Variants in TGFBRAP1 observed in about 807,000 individuals in gnomAD.
TGFBRAP1 encodes the protein transforming growth factor beta receptor associated protein 1, also known as transforming growth factor-beta receptor-associated protein 1.
In TGFBRAP1, 20 loss-of-function variants were observed where a neutral mutation model predicts 83.2. That is an observed-to-expected ratio of 0.24 (90% confidence interval 0.17 to 0.35). The LOEUF is 0.35. Among genes scored for constraint, TGFBRAP1 ranks in the 10% least tolerant of loss-of-function variants. The pLI, the probability that TGFBRAP1 is intolerant of heterozygous loss-of-function variation, is 1.00. For missense variants in TGFBRAP1, 950 were observed against 1,099.4 expected (o/e 0.86, Z 1.92); for synonymous variants, 415 against 459.8 (o/e 0.90, Z 1.25).
At chr2:105,324,100 C>T (rs1014913269) in intron 1 of TGFBRAP1, 1 of 152,040 alleles carries the variant, frequency 6.6e-6, no homozygotes, top group African/African-American at 2.4e-5. Context: ...AAAAAGGATC[C>T]TGGAACAGAA....
downstream of TGFBRAP1, among the ~76,000 whole-genome samples, chr2:105,260,508 G>A (rs1313450255): frequency 6.6e-6 from 1 of 152,202 alleles, no homozygotes; most frequent in Non-Finnish European, 1.5e-5. Context: ...GACACACACT[G>A]TGTGATTCCA....
intron 6 of TGFBRAP1, among the ~76,000 whole-genome samples, chr2:105,278,766 C>G (rs2104331403): frequency 6.6e-6 from 1 of 152,144 alleles, no homozygotes; most frequent in East Asian, 1.9e-4. Flanking sequence ...GATATTGAGG[C>G]ATCTGCTTGA....
At chr2:105,300,450 TTTTTC>T (rs1333650519) in intron 2 of TGFBRAP1, among the ~76,000 whole-genome samples, 3 of 131,240 alleles carry the variant, frequency 2.3e-5, no homozygotes, top group African/African-American at 9.9e-5. Context: ...TTTTTTTTTT[TTTTTC>T]CGAGACAGTC....
chr2:105,317,414 C>T (rs186540717), intron 1 of TGFBRAP1, among the ~76,000 whole-genome samples: 7 of 148,150 alleles, frequency 4.7e-5, no homozygotes, highest in South Asian at 4.3e-4. Context: ...TCCAGCCTGG[C>T]GACAGAGTGA....
intron 7 of TGFBRAP1, among the ~76,000 whole-genome samples, chr2:105,277,284 G>T (rs113027178): frequency 6.6e-6 from 1 of 152,178 alleles, no homozygotes; most frequent in African/African-American, 2.4e-5. Flanking sequence ...TGGTAAATCC[G>T]ACTATCATTC....
intron 11 of TGFBRAP1, among the ~76,000 whole-genome samples, chr2:105,268,526 A>G (rs1677026145): frequency 2.0e-5 from 3 of 152,238 alleles, no homozygotes; most frequent in South Asian, 4.1e-4. Context: ...CAGCATTTAC[A>G]AAAGCAACAA....
Position 105,298,688 on chromosome 2 carries a change from C to A in TGFBRAP1, c.706G>T (p.Ala236Ser), listed in dbSNP as rs372399291. The change falls in exon 3 of 12, where the codon GCA becomes TCA. Residue 236 changes from alanine to serine, a missense_variant. By Grantham distance (99) the Ala-to-Ser change is moderately conservative. Transcript: ENST00000393359. ...ACGGGGGCGCGCTGGGATATCCCTG[C>A]GACTGTGGCAAACATGCCTAGAAGT... ...PGGLGMFATV[A>S]GISQRAPVHW... is the part of the protein sequence containing the mutation. 33 of 1,578,498 alleles carry A rather than the reference C, an allele frequency of 2.1e-5. No individual in the cohort carries two copies. The highest frequency in any genetic ancestry group is 2.7e-5 in the Non-Finnish European group (31 of 1,158,292).
intron 4 of TGFBRAP1, among the ~76,000 whole-genome samples, chr2:105,286,612 TG>T (rs1284137918): frequency 6.6e-6 from 1 of 152,222 alleles, no homozygotes; most frequent in East Asian, 1.9e-4. Flanking sequence ...TGGTGCAAAT[TG>T]CCAGGTGAAG....
intron 6 of TGFBRAP1, 69 bp from the exon 7 acceptor site, chr2:105,277,740 A>T (rs1677397522): frequency 7.2e-7 from 1 of 1,396,542 alleles, no homozygotes; most frequent in Non-Finnish European, 1.0e-6. Flanking sequence ...TCACACAGTG[A>T]CACCCCCAGT....
In TGFBRAP1 at chr2:105,269,141, A is replaced by G; in HGVS notation, c.2406+131T>C. The G allele has an allele frequency of 8.6e-7, 1 of 1,165,922 alleles. No individual in the cohort carries two copies. The highest frequency in any genetic ancestry group is 1.2e-6 in the Non-Finnish European group (1 of 854,834). 72.2% of individuals were successfully genotyped at this position (1,165,922 alleles called of 1,614,324 possible). A position where few individuals can be genotyped will look rare whatever the true frequency, so the allele number is the denominator to read the frequency against. ...GACCTCAGTTTCTATGAGTAGGATC[A>G]GATATTGATGTGTTGTAGTCATAGA... On this transcript the variant is annotated intron_variant, in intron 11 of 11. Transcript: ENST00000393359. The surrounding 1 kb of genome is among the most constrained non-coding windows in gnomAD (Gnocchi z 4.1).
downstream of TGFBRAP1, among the ~76,000 whole-genome samples, chr2:105,260,866 T>C (rs1033021115): frequency 1.1e-4 from 16 of 152,180 alleles, no homozygotes; most frequent in African/African-American, 3.6e-4. Context: ...CTGTCTTTTT[T>C]GGGGAGGGCA....
intron 4 of TGFBRAP1, among the ~76,000 whole-genome samples, chr2:105,290,333 C>CT (rs1399006135): frequency 1.3e-5 from 2 of 152,150 alleles, no homozygotes; most frequent in African/African-American, 4.8e-5. Context: ...TCCCAAAGTG[C>CT]TGGGATTAGA....
At chr2:105,290,899 G>A (rs761283541) in intron 4 of TGFBRAP1, among the ~76,000 whole-genome samples, 3 of 151,946 alleles carry the variant, frequency 2.0e-5, no homozygotes, top group African/African-American at 4.8e-5. Flanking sequence ...CCAACTACTC[G>A]GGAGGCTGAG....
rs368667372 is a variant in TGFBRAP1 at position 105,277,689 on chromosome 2, G to A, written c.1464-18C>T. The A allele has an allele frequency of 2.2e-5, 35 of 1,613,424 alleles. No homozygotes were observed. The highest frequency in any genetic ancestry group is 1.3e-4 in the South Asian group (12 of 91,068). On this transcript the variant is annotated intron_variant, in intron 6 of 11. Coordinates refer to ENST00000393359, the MANE Select transcript of TGFBRAP1 (RefSeq NM_004257.6). ...CAAAATACCTGAAACAGAACAACAC[G>A]GTAAGTACAACCTCTCCCCATCAGC...
At chr2:105,279,841 C>G (rs977219932) in intron 6 of TGFBRAP1, among the ~76,000 whole-genome samples, 1 of 152,028 alleles carries the variant, frequency 6.6e-6, no homozygotes, top group Non-Finnish European at 1.5e-5. Context: ...AGTTCTAGAC[C>G]AGCCTGGCCA....
intron 11 of TGFBRAP1, among the ~76,000 whole-genome samples, chr2:105,268,225 G>C (rs1274031500): frequency 6.6e-6 from 1 of 152,220 alleles, no homozygotes; most frequent in Non-Finnish European, 1.5e-5. Flanking sequence ...CTCCTTAGTT[G>C]CATCAGTCAT....
chr2:105,285,697 T>C (rs1677694048), intron 4 of TGFBRAP1, among the ~76,000 whole-genome samples: 1 of 152,214 alleles, frequency 6.6e-6, no homozygotes, highest in Non-Finnish European at 1.5e-5. Flanking sequence ...AAAAAAGCTT[T>C]CACTACACAG....
intron 4 of TGFBRAP1, among the ~76,000 whole-genome samples, chr2:105,295,612 AC>A (rs1385282848): frequency 2.6e-5 from 4 of 152,050 alleles, no homozygotes; most frequent in Non-Finnish European, 5.9e-5. Flanking sequence ...AGGGATCGAG[AC>A]CATCCTGGCC....
rs1390912075 is a variant in TGFBRAP1, at chr2:105,308,081, C to A, written c.221G>T (p.Gly74Val). Residue 74 changes from glycine (G) to valine (V), a missense_variant, in exon 2 of 12, where the codon GGC becomes GTC. Coordinates refer to ENST00000393359, the MANE Select transcript of TGFBRAP1 (RefSeq NM_004257.6). ...CAGCTCGTTCACGGGCTTCTTGAAGCCCAAGTGTCTCTGCAGCTGTTTGGT... is the reference window on the plus strand; with the variant it reads ...CAGCTCGTTCACGGGCTTCTTGAAGACCAAGTGTCTCTGCAGCTGTTTGGT... ...TATKQLQRHL[G>V]FKKPVNELRA... The A allele has an allele frequency of 6.2e-7, 1 of 1,613,868 alleles. No homozygotes were observed. Among genetic ancestry groups the A allele is most frequent in the Non-Finnish European group, 8.5e-7 (1 of 1,179,844 alleles).
Sources: gnomAD v4.1 joint callset for allele counts (sites outside exome capture counted in the v4.1 genomes callset) on GRCh38, gnomAD v4.1.1 for gene constraint, Gnocchi (gnomAD v3.1) non-coding constraint, MANE v1.5 for transcripts, NCBI Gene and HGNC (gene_info 2026-07-23, HGNC 2026-07-21) for gene names.